The following SNRPN variants were observed in gnomAD, a reference collection of about 807,000 sequenced individuals.
The protein encoded by SNRPN is small nuclear ribonucleoprotein-associated protein N.
A neutral mutation model predicts 25.2 loss-of-function variants in SNRPN; 7 were observed. That is an observed-to-expected ratio of 0.28 (90% CI 0.16 to 0.52). SNRPN has a LOEUF of 0.52. SNRPN is among the 20% of genes least tolerant of loss of function. The pLI is 0.96. For synonymous variants in SNRPN, 124 were observed against 110.6 expected, an observed-to-expected ratio of 1.12 and a Z score of -0.76; for missense variants, 196 against 322.5, an observed-to-expected ratio of 0.61 and a Z score of 3.00.
chr15:24,856,890 C>G (rs990880740), intron 1 of SNRPN, among the ~76,000 whole-genome samples: 7 of 152,132 alleles, frequency 4.6e-5, no homozygotes, highest in African/African-American at 1.7e-4. Context: ...TTCATAATCA[C>G]TTTTTCAAAA....
intron 1 of SNRPN, among the ~76,000 whole-genome samples, chr15:24,883,755 T>C (rs775255063): frequency 6.6e-6 from 1 of 152,194 alleles, no homozygotes; most frequent in Non-Finnish European, 1.5e-5. Flanking sequence ...CTCATGCCTG[T>C]AATTCCAGCA....
At chr15:24,829,137 C>G (rs549399700) in intron 1 of SNRPN, among the ~76,000 whole-genome samples, 9 of 152,216 alleles carry the variant, frequency 5.9e-5, no homozygotes, top group Admixed American at 4.6e-4. Flanking sequence ...TTCTGTGTTG[C>G]TCTTTGTTCA....
intron 3 of SNRPN, among the ~76,000 whole-genome samples, chr15:24,942,942 A>G (rs1372782824): frequency 1.3e-5 from 2 of 151,964 alleles, no homozygotes; most frequent in Non-Finnish European, 2.9e-5. Flanking sequence ...GCCTGACTGT[A>G]CATATGAAAC....
At chr15:24,897,134 G>C (rs1328348110) in intron 2 of SNRPN, among the ~76,000 whole-genome samples, 1 of 151,896 alleles carries the variant, frequency 6.6e-6, no homozygotes, top group African/African-American at 2.4e-5. Flanking sequence ...GCCTGAGTGA[G>C]AGCCAGACTC....
At chr15:24,971,886 T>C (rs113937482) in intron 3 of SNRPN, among the ~76,000 whole-genome samples, 49 of 152,318 alleles carry the variant, frequency 3.2e-4, no homozygotes, top group African/African-American at 1.0e-3. Context: ...GTAAGATCTG[T>C]CTTGCTCATT....
At chr15:24,927,514 T>TGACCAC (rs2060495010) in intron 3 of SNRPN, among the ~76,000 whole-genome samples, 1 of 109,370 alleles carries the variant, frequency 9.1e-6, no homozygotes, top group Non-Finnish European at 2.0e-5. Flanking sequence ...TTTTTTTTTT[T>TGACCAC]TTTTACTTTT....
chr15:24,892,183 A>T (rs915086663), intron 2 of SNRPN, among the ~76,000 whole-genome samples: 7 of 152,194 alleles, frequency 4.6e-5, no homozygotes, highest in Admixed American at 6.6e-5. Flanking sequence ...TATCCAGTCT[A>T]TTTCCAAATA....
intron 2 of SNRPN, among the ~76,000 whole-genome samples, chr15:24,886,912 T>TG (rs2057248007): frequency 1.3e-5 from 2 of 152,172 alleles, no homozygotes; most frequent in Admixed American, 1.3e-4. Flanking sequence ...AGACTAACTG[T>TG]GGCCACATCC....
intron 6 of SNRPN, among the ~76,000 whole-genome samples, 165 bp downstream of exon 6, chr15:24,976,581 G>A (rs937096389): frequency 6.6e-6 from 1 of 152,236 alleles, no homozygotes; most frequent in African/African-American, 2.4e-5. Flanking sequence ...TTCGGGATTA[G>A]GGGATTTTTG....
At chr15:24,956,556 G>A (rs1046406359) in intron 1 of SNRPN, among the ~76,000 whole-genome samples, 3 of 152,202 alleles carry the variant, frequency 2.0e-5, no homozygotes, top group African/African-American at 7.2e-5. Context: ...ACGCAGCAGA[G>A]GTGACAGTCG....
chr15:24,852,507 C>G (rs985129851), upstream of SNRPN, among the ~76,000 whole-genome samples: 7 of 152,114 alleles, frequency 4.6e-5, no homozygotes, highest in African/African-American at 1.7e-4. Flanking sequence ...TGTGGAATGT[C>G]CCACAATGTG....
At chr15:24,899,647 A>G (rs761426648) in intron 2 of SNRPN, among the ~76,000 whole-genome samples, 5 of 152,014 alleles carry the variant, frequency 3.3e-5, no homozygotes, top group Non-Finnish European at 5.9e-5. Context: ...TATATCCCCT[A>G]CCCTTAGGTG....
At chr15:24,836,560 C>CA (rs1346439852) in intron 2 of SNRPN, among the ~76,000 whole-genome samples, 7 of 151,906 alleles carry the variant, frequency 4.6e-5, no homozygotes, top group African/African-American at 1.7e-4. Flanking sequence ...TATAGGCGCC[C>CA]ACCACCACAC....
At chr15:24,952,892 T>C (rs2062392415), upstream of SNRPN, among the ~76,000 whole-genome samples, 1 of 152,012 alleles carries the variant, frequency 6.6e-6, no homozygotes, top group Non-Finnish European at 1.5e-5. Context: ...GTAAGTTTGG[T>C]GTCCACAATG....
At chr15:24,938,555 G>A (rs1237249327) in intron 3 of SNRPN, among the ~76,000 whole-genome samples, 1 of 152,194 alleles carries the variant, frequency 6.6e-6, no homozygotes, top group African/African-American at 2.4e-5. Context: ...GATTACATGT[G>A]TGAGCCACCA....
chr15:24,934,073 G>A (rs761740862), intron 3 of SNRPN, among the ~76,000 whole-genome samples: 36 of 152,096 alleles, frequency 2.4e-4, no homozygotes, highest in Non-Finnish European at 3.8e-4. Flanking sequence ...CGAGGCGGGC[G>A]AATCACCTGA....
chr15:24,911,617 A>C (rs974093228), intron 2 of SNRPN, among the ~76,000 whole-genome samples: 2 of 152,222 alleles, frequency 1.3e-5, no homozygotes, highest in African/African-American at 4.8e-5. Flanking sequence ...ATGGGGCAGC[A>C]TGCATGTGGT....
intron 2 of SNRPN, among the ~76,000 whole-genome samples, chr15:24,914,286 G>A (rs527768270): frequency 6.8e-4 from 103 of 152,240 alleles, no homozygotes; most frequent in Non-Finnish European, 1.1e-3. Flanking sequence ...GCAGCCCAAC[G>A]GTGAGGAAAT....
At chr15:24,940,443 A>AC (rs1480764459) in intron 3 of SNRPN, among the ~76,000 whole-genome samples, 7 of 152,182 alleles carry the variant, frequency 4.6e-5, no homozygotes, top group African/African-American at 1.7e-4. Context: ...TTTTCCCAGT[A>AC]CCACGTGTTG....
Sources: gnomAD v4.1 joint callset for allele counts (sites outside exome capture counted in the v4.1 genomes callset) on GRCh38, gnomAD v4.1.1 for gene constraint, MANE v1.5 for transcripts, NCBI Gene and HGNC (gene_info 2026-07-23, HGNC 2026-07-21) for gene names.